The following SLC9A2 variants were observed in gnomAD, a reference collection of about 807,000 sequenced individuals.
SLC9A2 encodes sodium/hydrogen exchanger 2.
In SLC9A2, 42 loss-of-function variants were observed where a neutral mutation model predicts 71.7. The ratio of observed to expected loss-of-function variants is 0.59; its 90% CI spans 0.46 to 0.76. The LOEUF is 0.76. Among genes scored for constraint, SLC9A2 ranks in the 30% least tolerant of loss-of-function variants. The pLI is 0.00. For synonymous variants in SLC9A2, 396 were observed against 392.5 expected (o/e 1.01, Z -0.10); for missense variants, 829 against 1,017.4 (o/e 0.81, Z 2.52).
At chr2:102,700,120 T>C (rs1296653679) in intron 7 of SLC9A2, among the ~76,000 whole-genome samples, 7 of 152,182 alleles carry the variant, frequency 4.6e-5, no homozygotes, top group Admixed American at 4.6e-4. Context: ...TTTGACCTGG[T>C]GGAGTCATCG....
intron 11 of SLC9A2, among the ~76,000 whole-genome samples, chr2:102,706,704 T>A (rs890089460): frequency 1.3e-5 from 2 of 152,256 alleles, no homozygotes; most frequent in African/African-American, 2.4e-5. Flanking sequence ...ATCAGTTATT[T>A]TCCAGCAAAT....
chr2:102,698,976 G>A (rs1432100889), intron 7 of SLC9A2, among the ~76,000 whole-genome samples: 3 of 152,074 alleles, frequency 2.0e-5, no homozygotes, highest in African/African-American at 7.2e-5. Flanking sequence ...CCAGGCACTG[G>A]TGACACAGAA....
At chr2:102,649,667 C>A (rs1676794267) in intron 1 of SLC9A2, among the ~76,000 whole-genome samples, 2 of 151,926 alleles carry the variant, frequency 1.3e-5, no homozygotes, top group African/African-American at 4.8e-5. Context: ...CAAAGGATAT[C>A]AACAGATGCT....
At chr2:102,701,725 A>T (rs990618984) in intron 8 of SLC9A2, among the ~76,000 whole-genome samples, 1 of 152,218 alleles carries the variant, frequency 6.6e-6, no homozygotes, top group African/African-American at 2.4e-5. Flanking sequence ...AAATATTAAA[A>T]AATCATGTCA....
At position 102,620,087 on chromosome 2, in the gene SLC9A2, T is replaced by A; in HGVS notation, c.239T>A (p.Ile80Asn). ...VFTLDYPHVQ[I>N]PFEITLWILL... ...ACGCTGGATTACCCCCACGTGCAGA[T>A]CCCCTTCGAGATCACCCTTTGGATC... The change falls in exon 1 of 12, where the codon ATC becomes AAC. Residue 80 changes from isoleucine (I) to asparagine (N), a missense_variant. Around this residue, in one of 3 missense-constraint regions of SLC9A2, gnomAD observed 500 missense variants for 726.3 expected, o/e 0.69. Transcript: ENST00000233969. 1 of 1,613,594 alleles carries A rather than the reference T, an allele frequency of 6.2e-7. No individual in the cohort carries two copies. The highest frequency in any genetic ancestry group is 8.5e-7 in the Non-Finnish European group (1 of 1,179,764).
At chr2:102,677,111 T>C (rs1212618513) in intron 3 of SLC9A2, among the ~76,000 whole-genome samples, 5 of 152,200 alleles carry the variant, frequency 3.3e-5, no homozygotes, top group African/African-American at 7.2e-5. Flanking sequence ...TAAGCATTAG[T>C]CCATAGTCTC....
chr2:102,680,173 A>C (rs1677425046), intron 3 of SLC9A2, among the ~76,000 whole-genome samples: 1 of 151,930 alleles, frequency 6.6e-6, no homozygotes, highest in Admixed American at 6.6e-5. Context: ...TTTTTCCACT[A>C]CATGAAGTAC....
At chr2:102,704,955 G>GGAAGCC (rs756317956) in intron 10 of SLC9A2, among the ~76,000 whole-genome samples, 7 of 152,162 alleles carry the variant, frequency 4.6e-5, no homozygotes, top group Non-Finnish European at 1.0e-4. Context: ...CAGCACTTTG[G>GGAAGCC]GAAGCCGAAG....
intron 1 of SLC9A2, among the ~76,000 whole-genome samples, chr2:102,635,178 G>A (rs1041159263): frequency 3.9e-5 from 6 of 152,236 alleles, no homozygotes; most frequent in Admixed American, 2.0e-4. Context: ...GCAGAAGCGT[G>A]CATCGGCTGA....
At chr2:102,653,025 A>C (rs1213326591) in intron 1 of SLC9A2, among the ~76,000 whole-genome samples, 1 of 152,188 alleles carries the variant, frequency 6.6e-6, no homozygotes, top group Non-Finnish European at 1.5e-5. Flanking sequence ...GTTTGTTGTC[A>C]CTAATTACTT....
intron 1 of SLC9A2, among the ~76,000 whole-genome samples, chr2:102,622,433 A>T (rs1283544218): frequency 6.6e-6 from 1 of 152,156 alleles, no homozygotes; most frequent in African/African-American, 2.4e-5. Context: ...TCCTTTGTTC[A>T]TCATTCCTGA....
intron 1 of SLC9A2, among the ~76,000 whole-genome samples, chr2:102,644,846 G>A (rs191784561): frequency 1.9e-4 from 29 of 152,314 alleles, no homozygotes; most frequent in Admixed American, 1.5e-3. Context: ...CAGAGCACCC[G>A]CGAGAAGGGG....
chr2:102,622,146 A>G (rs1164347130), intron 1 of SLC9A2, among the ~76,000 whole-genome samples: 1 of 152,178 alleles, frequency 6.6e-6, no homozygotes, highest in Non-Finnish European at 1.5e-5. Context: ...GGGCTTCCCC[A>G]CCTATAAACC....
At chr2:102,649,985 A>T (rs1253765827) in intron 1 of SLC9A2, among the ~76,000 whole-genome samples, 2 of 152,260 alleles carry the variant, frequency 1.3e-5, no homozygotes, top group African/African-American at 4.8e-5. Context: ...CCAAAGGATT[A>T]CAAATCATTG....
chr2:102,655,317 C>G (rs962408139), intron 1 of SLC9A2, among the ~76,000 whole-genome samples: 6 of 151,288 alleles, frequency 4.0e-5, no homozygotes, highest in Non-Finnish European at 5.9e-5. Flanking sequence ...CCACACCCAG[C>G]TAATTTTTTT....
intron 1 of SLC9A2, among the ~76,000 whole-genome samples, chr2:102,634,279 G>C (rs1249299366): frequency 6.6e-6 from 1 of 152,062 alleles, no homozygotes; most frequent in Non-Finnish European, 1.5e-5. Context: ...CTGTACTATA[G>C]TGTATATACT....
chr2:102,663,712 C>G (rs879329950), intron 2 of SLC9A2, among the ~76,000 whole-genome samples: 6 of 152,176 alleles, frequency 3.9e-5, no homozygotes, highest in Non-Finnish European at 5.9e-5. Context: ...TGTAGCACAG[C>G]CTTTCTCCCT....
At chr2:102,650,602 CT>C (rs1254410834) in intron 1 of SLC9A2, among the ~76,000 whole-genome samples, 2 of 152,090 alleles carry the variant, frequency 1.3e-5, no homozygotes, top group Non-Finnish European at 2.9e-5. Flanking sequence ...AAAAAGAAAC[CT>C]GTAGGTATGT....
chr2:102,646,671 T>C (rs1676728799), intron 1 of SLC9A2, among the ~76,000 whole-genome samples: 1 of 151,256 alleles, frequency 6.6e-6, no homozygotes, highest in Non-Finnish European at 1.5e-5. Flanking sequence ...TAGTCTCTGA[T>C]AAAACAGACT....
Sources: gnomAD v4.1 joint callset for allele counts (sites outside exome capture counted in the v4.1 genomes callset) on GRCh38, gnomAD v4.1.1 for gene constraint, gnomAD v4.1.1 regional missense constraint, MANE v1.5 for transcripts, NCBI Gene and HGNC (gene_info 2026-07-23, HGNC 2026-07-21) for gene names.